DOCK6: variants seen among roughly 807,000 people sequenced by gnomAD.
DOCK6 encodes the protein dedicator of cytokinesis protein 6.
DOCK6 carries 167 observed loss-of-function variants against 230.3 expected under a neutral mutation model. The ratio of observed to expected loss-of-function variants is 0.73; its 90% CI spans 0.64 to 0.82. DOCK6 has a LOEUF of 0.82. Among genes scored for constraint, DOCK6 ranks in the 40% least tolerant of loss-of-function variants. The pLI is 0.00. For missense variants in DOCK6, 2,598 were observed against 2,825.8 expected, an observed-to-expected ratio of 0.92 and a Z score of 1.83; for synonymous variants, 1,148 against 1,185.0, an observed-to-expected ratio of 0.97 and a Z score of 0.64.
At chr19:11,235,559 C>G (rs2079831915) in intron 21 of DOCK6, 39 bp downstream of exon 21, 2 of 1,529,530 alleles carry the variant, frequency 1.3e-6, no homozygotes, top group Non-Finnish European at 1.8e-6. Flanking sequence ...CCTCTTCTCC[C>G]AGATATTTCT....
intron 14 of DOCK6, chr19:11,239,577 G>C (rs773758808): frequency 1.3e-5 from 20 of 1,587,576 alleles, no homozygotes; most frequent in Non-Finnish European, 1.6e-5. Context: ...GGGATCAGTG[G>C]GGGTATGAGG....
Position 11,213,234 on chromosome 19 carries a change from C to T in DOCK6, c.4433G>A (p.Arg1478His), listed in dbSNP as rs776844030. The T allele has an allele frequency of 9.3e-6, 15 of 1,613,198 alleles. No individual in the cohort carries two copies. Among genetic ancestry groups the T allele is most frequent in the South Asian group, 7.7e-5 (7 of 91,078 alleles). ...GTACAGCGAGGCGCTGGCGTGCGTG[C>T]GGATGGTGCTGATGCGGCTGCCACA... ...RHCGSRISTI[R>H]THASASLYLL... Residue 1478 changes from arginine (R) to histidine (H), a missense_variant, in exon 35 of 48, where the codon CGC becomes CAC. Arg to His is a conservative substitution (Grantham distance 29, BLOSUM62 0). Coordinates refer to ENST00000294618, the MANE Select transcript of DOCK6 (RefSeq NM_020812.4).
At chr19:11,199,629 G>T in intron 47 of DOCK6, 90 bp from the exon 48 acceptor site, 1 of 1,358,410 alleles carries the variant, frequency 7.4e-7, no homozygotes, top group Non-Finnish European at 1.0e-6. Flanking sequence ...CCTCCTCCTC[G>T]TCTTCCTCCA....
intron 28 of DOCK6, chr19:11,221,511 C>T (rs1217553048): frequency 1.5e-5 from 4 of 260,238 alleles, no homozygotes; most frequent in Admixed American, 4.8e-5. Flanking sequence ...CATTTTCTCA[C>T]TTGGATGTTC....
intron 1 of DOCK6, among the ~76,000 whole-genome samples, chr19:11,258,066 T>C (rs754690556): frequency 1.1e-4 from 17 of 152,214 alleles, no homozygotes; most frequent in Non-Finnish European, 2.2e-4. Flanking sequence ...TGGCCAAGAA[T>C]GTTGACACCT....
intron 22 of DOCK6, 48 bp downstream of exon 22, chr19:11,233,155 C>T (rs896918599): frequency 6.3e-7 from 1 of 1,594,224 alleles, no homozygotes; most frequent in Non-Finnish European, 8.6e-7. Flanking sequence ...ACACACGTGG[C>T]AACCACAACC....
At chr19:11,239,971 G>T in intron 14 of DOCK6, 3 of 1,557,236 alleles carry the variant, frequency 1.9e-6, no homozygotes, top group Non-Finnish European at 2.6e-6. Flanking sequence ...GGGTGGCCAG[G>T]AGTCCAAAGA....
intron 24 of DOCK6, 50 bp from the exon 25 acceptor site, chr19:11,223,156 C>T (rs753323575): frequency 1.5e-5 from 23 of 1,545,282 alleles, no homozygotes; most frequent in African/African-American, 1.2e-4. Flanking sequence ...TCAGCCCCGA[C>T]AGGGGCTTGG....
chr19:11,202,286 A>G lies in DOCK6; in HGVS notation c.5451+108T>C. ...GAATAGGTTTTGGGGTCCCTCAGTG[A>G]AATATGATTTGGGGTTTCCCAGAGA... On this transcript the variant is annotated intron_variant, in intron 43 of 47. Coordinates refer to ENST00000294618, the MANE Select transcript of DOCK6 (RefSeq NM_020812.4). This position sits in a 1 kb window ranked among gnomAD's most constrained non-coding sequence, Gnocchi z 5.3. 1.4e-6 allele frequency: 2 copies of G among 1,444,484 alleles called. No homozygotes were observed. The highest frequency in any genetic ancestry group is 1.2e-5 in the South Asian group (1 of 80,644). The allele number at this position is 1,444,484 out of a possible 1,614,324, so 89.5% of individuals were successfully genotyped here.
Position 11,214,535 on chromosome 19 carries a change from T to C in DOCK6, c.4203+18A>G. Reference sequence around the variant, plus strand: ...AGTTGGGCTCAGAGCACAAGGCAGATGCTGGATCAAGCCCTACCTGCACGA... The same window carrying C: ...AGTTGGGCTCAGAGCACAAGGCAGACGCTGGATCAAGCCCTACCTGCACGA... On this transcript the variant is annotated intron_variant, in intron 33 of 47. Coordinates refer to ENST00000294618, the MANE Select transcript of DOCK6 (RefSeq NM_020812.4). The C allele has an allele frequency of 6.2e-7, 1 of 1,613,862 alleles. No individual in the cohort carries two copies. The highest frequency in any genetic ancestry group is 8.5e-7 in the Non-Finnish European group (1 of 1,179,840).
chr19:11,217,123 A>G, intron 29 of DOCK6, 27 bp from the exon 30 acceptor site: 1 of 1,601,414 alleles, frequency 6.2e-7, no homozygotes, highest in South Asian at 1.1e-5. Context: ...ATCAAAGTCA[A>G]TTTCCATTTT....
intron 32 of DOCK6, among the ~76,000 whole-genome samples, chr19:11,214,927 C>T (rs2079456157): frequency 6.6e-6 from 1 of 151,422 alleles, no homozygotes; most frequent in African/African-American, 2.4e-5. Flanking sequence ...AGGCACATGC[C>T]ACCATGCCTG....
intron 28 of DOCK6, among the ~76,000 whole-genome samples, chr19:11,219,192 T>TC (rs1171581144): frequency 7.4e-6 from 1 of 134,858 alleles, no homozygotes; most frequent in Non-Finnish European, 1.6e-5. Context: ...TTTTTTTTTT[T>TC]TTTTTTTTTG....
rs2079441966 is a variant in DOCK6, at chr19:11,214,272, C to T, written c.4338+3G>A. On this transcript the variant is annotated splice_donor_region_variant and intron_variant, in intron 34 of 47. Coordinates refer to ENST00000294618, the MANE Select transcript of DOCK6 (RefSeq NM_020812.4). ...AGAATCATGGTTGTTGAGTGGTGCT[C>T]ACCTTGGACACAAGGGCCCTCTGGG... 3 of 1,606,848 alleles carry T rather than the reference C, an allele frequency of 1.9e-6. No individual in the cohort carries two copies. In the African/African-American group the frequency reaches 4.0e-5, roughly 21 times the overall value.
chr19:11,201,001 G>A lies in DOCK6; in HGVS notation c.5740C>T (p.Arg1914Trp), dbSNP rs776932453. 7.4e-6 allele frequency: 12 copies of A among 1,613,768 alleles called. No homozygotes were observed. Among genetic ancestry groups the A allele is most frequent in the East Asian group, 4.5e-5 (2 of 44,886 alleles). Residue 1914 changes from arginine to tryptophan, a missense_variant, in exon 45 of 48, where the codon CGG becomes TGG. Physicochemically the swap from Arg to Trp is moderately radical, Grantham distance 101. Coordinates refer to ENST00000294618, the MANE Select transcript of DOCK6 (RefSeq NM_020812.4). This position sits in a 1 kb window ranked among gnomAD's most constrained non-coding sequence, Gnocchi z 4.3. ...TGCTCGGTGGCAAAGGCCAGCTCCC[G>A]TGTCTTCTTCTGCATGTCCTCGATG... ...VAIEDMQKKT[R>W]ELAFATEQDP...
chr19:11,219,934 G>A lies in DOCK6; in HGVS notation c.3550+1917C>T, dbSNP rs369126293. 9.0e-4 allele frequency among the ~76,000 whole-genome samples: 137 copies of A among 152,058 alleles called. 5 individuals are homozygous for A. In the South Asian group the frequency reaches 0.027, roughly 30 times the overall value. ...GGTCACATAGCAGGTAAATGGAAGA[G>A]CTACAATTTTTTTGTTTTGTTTTTT... On this transcript the variant is annotated intron_variant, in intron 28 of 47. Coordinates refer to ENST00000294618, the MANE Select transcript of DOCK6 (RefSeq NM_020812.4).
intron 39 of DOCK6, among the ~76,000 whole-genome samples, chr19:11,205,595 G>A (rs1046766581): frequency 8.6e-5 from 13 of 151,914 alleles, no homozygotes; most frequent in African/African-American, 3.1e-4. Context: ...TACCCACCTC[G>A]ACCTCTCAAA....
chr19:11,216,490 C>T (rs1191890125), intron 30 of DOCK6, among the ~76,000 whole-genome samples: 1 of 152,032 alleles, frequency 6.6e-6, no homozygotes, highest in African/African-American at 2.4e-5. Flanking sequence ...TCACTGCAAC[C>T]TCCACCTCCC....
chr19:11,216,727 T>C (rs2079494124), intron 30 of DOCK6, 187 bp downstream of exon 30: 1 of 645,728 alleles, frequency 1.5e-6, no homozygotes, highest in Non-Finnish European at 2.7e-6. Context: ...CCAAATTCTA[T>C]TCACAAAGGC....
Sources: allele counts gnomAD v4.1 joint callset (sites outside exome capture counted in the v4.1 genomes callset), GRCh38; gene constraint gnomAD v4.1.1; non-coding constraint Gnocchi (gnomAD v3.1); transcripts MANE v1.5; gene names NCBI Gene and HGNC (gene_info 2026-07-23, HGNC 2026-07-21).